The following NCOA1 variants were observed in gnomAD, a reference collection of about 807,000 sequenced individuals.
The protein encoded by NCOA1 is Hin-2 protein.
NCOA1 carries 35 observed loss-of-function variants against 150.9 expected under a neutral mutation model. That is an observed-to-expected ratio of 0.23 (90% CI 0.18 to 0.31). The LOEUF (loss-of-function observed/expected upper bound fraction) is 0.31, where lower values mean the gene tolerates loss of function less well. Among genes scored for constraint, NCOA1 ranks in the 10% least tolerant of loss-of-function variants. The pLI is 1.00. For missense variants in NCOA1, 1,491 were observed against 1,749.3 expected (o/e 0.85, Z 2.63); for synonymous variants, 590 against 630.0 (o/e 0.94, Z 0.95).
chr2:24,575,255 G>C lies in NCOA1; in HGVS notation c.-259-9221G>C, dbSNP rs374704863. On this transcript the variant is annotated intron_variant, in intron 2 of 22. Transcript: ENST00000348332. Reference sequence around the variant, plus strand: ...AAGTTAACTAAGTGTTAAATCTGCTGTCCTATGCAGTGTATTTTTCATTTC... The same window carrying C: ...AAGTTAACTAAGTGTTAAATCTGCTCTCCTATGCAGTGTATTTTTCATTTC... Among the ~76,000 whole-genome samples, 3 of 152,028 alleles carry C rather than the reference G, an allele frequency of 2.0e-5. No individual in the cohort carries two copies. The East Asian group carries it at 5.8e-4, about 29-fold the overall frequency.
chr2:24,636,013 C>G (rs1191156203), intron 3 of NCOA1, among the ~76,000 whole-genome samples: 1 of 152,086 alleles, frequency 6.6e-6, no homozygotes, highest in Non-Finnish European at 1.5e-5. Flanking sequence ...GGGAAATCAT[C>G]ATGATTTAGA....
chr2:24,709,877 C>G (rs1251518783), intron 13 of NCOA1, among the ~76,000 whole-genome samples: 1 of 152,152 alleles, frequency 6.6e-6, no homozygotes, highest in Non-Finnish European at 1.5e-5. Flanking sequence ...CTAAATGTAA[C>G]AGTGCCCAAA....
intron 1 of NCOA1, among the ~76,000 whole-genome samples, chr2:24,519,319 T>TAG (rs1486373246): frequency 1.3e-5 from 2 of 152,108 alleles, no homozygotes; most frequent in African/African-American, 4.8e-5. Flanking sequence ...AAGATCACTA[T>TAG]AGAGTGGTCT....
At chr2:24,513,865 T>C (rs1454004459) in intron 1 of NCOA1, among the ~76,000 whole-genome samples, 2 of 152,200 alleles carry the variant, frequency 1.3e-5, no homozygotes, top group African/African-American at 4.8e-5. Context: ...GTAGGAGGAC[T>C]TGGTATGTGT....
chr2:24,762,880 G>A lies in NCOA1; in HGVS notation c.4155+104G>A, dbSNP rs1572696853. The A allele has an allele frequency of 3.0e-6, 3 of 985,982 alleles. No individual in the cohort carries two copies. In the South Asian group the frequency reaches 4.2e-5, roughly 14 times the overall value. 61.1% of individuals were successfully genotyped at this position (985,982 alleles called of 1,614,324 possible). A position where few individuals can be genotyped will look rare whatever the true frequency, so the allele number is the denominator to read the frequency against. On this transcript the variant is annotated intron_variant, in intron 22 of 22. Transcript: ENST00000348332. Reference sequence around the variant, plus strand: ...GCCTGACCTTGGGAGTCAGACCTGGGTGTGAGTCCTGGCTCTGCTCTTCTT... The same window carrying A: ...GCCTGACCTTGGGAGTCAGACCTGGATGTGAGTCCTGGCTCTGCTCTTCTT...
intron 3 of NCOA1, among the ~76,000 whole-genome samples, chr2:24,637,975 C>T (rs551305095): frequency 1.1e-4 from 16 of 148,560 alleles, no homozygotes; most frequent in African/African-American, 3.4e-4. Context: ...GGATTACAGA[C>T]GTGAGCCACT....
chr2:24,542,455 C>CTAGTAGAAAATTTGGATGACTGG (rs1253934956), intron 1 of NCOA1, among the ~76,000 whole-genome samples: 3 of 152,140 alleles, frequency 2.0e-5, no homozygotes, highest in Non-Finnish European at 4.4e-5. Flanking sequence ...CTATACGATT[C>CTAGTAGAAAATTTGGATGACTGG]TAGTAGAAAA....
intron 3 of NCOA1, among the ~76,000 whole-genome samples, chr2:24,614,454 T>G (rs1668785047): frequency 1.3e-5 from 2 of 151,898 alleles, no homozygotes; most frequent in African/African-American, 4.8e-5. Flanking sequence ...ACTCTTGAAC[T>G]CCTGGGCTCA....
chr2:24,542,526 CAAT>C (rs562550559), intron 1 of NCOA1, among the ~76,000 whole-genome samples: 17 of 152,046 alleles, frequency 1.1e-4, no homozygotes, highest in African/African-American at 2.9e-4. Context: ...TAAAATATAA[CAAT>C]AATTTTTGCT....
chr2:24,761,881 C>T (rs1451115901), intron 21 of NCOA1, among the ~76,000 whole-genome samples: 1 of 152,226 alleles, frequency 6.6e-6, no homozygotes, highest in African/African-American at 2.4e-5. Flanking sequence ...ATGTTTTCCA[C>T]TCTGGGGGGT....
At chr2:24,738,946 A>C (rs1344946257) in intron 17 of NCOA1, among the ~76,000 whole-genome samples, 1 of 152,192 alleles carries the variant, frequency 6.6e-6, no homozygotes, top group Non-Finnish European at 1.5e-5. Context: ...CCAAATATGT[A>C]TCCACCAGAC....
chr2:24,699,163 G>C (rs1673037858), intron 11 of NCOA1, among the ~76,000 whole-genome samples: 1 of 152,162 alleles, frequency 6.6e-6, no homozygotes, highest in African/African-American at 2.4e-5. Flanking sequence ...TTTTGCATAG[G>C]TTTGGGACTC....
chr2:24,673,563 A>C, intron 7 of NCOA1, 100 bp downstream of exon 7: 1 of 647,200 alleles, frequency 1.5e-6, no homozygotes, highest in East Asian at 3.3e-5. Flanking sequence ...ATAAATTATA[A>C]AACAAAGTAA....
intron 14 of NCOA1, among the ~76,000 whole-genome samples, chr2:24,722,707 C>T (rs368835953): frequency 9.8e-4 from 149 of 151,836 alleles, no homozygotes; most frequent in Admixed American, 3.7e-3. Context: ...TATTAATTCA[C>T]AGTAAATCAA....
Position 24,741,831 on chromosome 2 carries a change from C to T in NCOA1, c.3351C>T (p.Tyr1117=), listed in dbSNP as rs577043511. The stretch of plus-strand genomic sequence containing the variant: ...TGGCACAACGTCAGCGGGAACTGTA[C>T]AGTCAACAGCACCGACAGAGGCAGC... ...QMLAQRQREL[Y]SQQHRQRQLI... The change falls in exon 19 of 23, where the codon TAC becomes TAT. Residue 1117 remains tyrosine (Y), a synonymous_variant. Transcript: ENST00000348332. 2 of 1,614,174 alleles carry T rather than the reference C, an allele frequency of 1.2e-6. No individual in the cohort carries two copies. The highest frequency in any genetic ancestry group is 2.2e-5 in the East Asian group (1 of 44,892).
chr2:24,741,629 A>G (rs535566858), intron 18 of NCOA1, among the ~76,000 whole-genome samples, 155 bp from the exon 19 acceptor site: 2 of 152,264 alleles, frequency 1.3e-5, no homozygotes, highest in South Asian at 2.1e-4. Flanking sequence ...GTTACTTAAG[A>G]GGTTTTTGTT....
At chr2:24,605,077 T>C (rs1668301805) in intron 3 of NCOA1, among the ~76,000 whole-genome samples, 1 of 152,228 alleles carries the variant, frequency 6.6e-6, no homozygotes, top group Admixed American at 6.5e-5. Context: ...CGCTGCCTTA[T>C]GTGGGCTTAC....
chr2:24,633,381 A>G (rs1489801055), intron 3 of NCOA1, among the ~76,000 whole-genome samples: 1 of 152,180 alleles, frequency 6.6e-6, no homozygotes, highest in African/African-American at 2.4e-5. Flanking sequence ...TAAACAGAAG[A>G]TAAAGTAAAT....
chr2:24,670,083 A>T (rs1029166042), intron 6 of NCOA1, among the ~76,000 whole-genome samples: 2 of 152,190 alleles, frequency 1.3e-5, no homozygotes, highest in Non-Finnish European at 2.9e-5. Context: ...GGTTGCAATG[A>T]GCTGTGATTG....
Sources: gnomAD v4.1 joint callset for allele counts (sites outside exome capture counted in the v4.1 genomes callset) on GRCh38, gnomAD v4.1.1 for gene constraint, MANE v1.5 for transcripts, NCBI Gene and HGNC (gene_info 2026-07-23, HGNC 2026-07-21) for gene names.